The following PCF11 variants were observed in gnomAD, a reference collection of about 807,000 sequenced individuals.
PCF11 encodes PCF11 cleavage and polyadenylation factor subunit.
PCF11 carries 19 observed loss-of-function variants against 166.1 expected under a neutral mutation model. The ratio of observed to expected loss-of-function variants is 0.11; its 90% confidence interval spans 0.08 to 0.17. The LOEUF is 0.17. Among genes scored for constraint, PCF11 ranks in the 10% least tolerant of loss-of-function variants. PCF11 has a pLI of 1.00. For missense variants in PCF11, 1,565 were observed against 1,855.5 expected (o/e 0.84, Z 2.88); for synonymous variants, 663 against 644.1 (o/e 1.03, Z -0.44).
exon 8 of PCF11, chr11:83,169,882 A>C (rs900544196): frequency 2.5e-6 from 4 of 1,613,278 alleles, no homozygotes; most frequent in Non-Finnish European, 3.4e-6. Flanking sequence ...TAATCCACTT[A>C]ACAGAGCTTC....
chr11:83,184,969 GTATA>G, exon 16 of PCF11: 1 of 951,698 alleles, frequency 1.1e-6, no homozygotes, highest in Non-Finnish European at 1.6e-6. Flanking sequence ...ATTTTTTTAT[GTATA>G]TATAGACATA....
chr11:83,177,721 T>G (rs1860934438), exon 11 of PCF11: 1 of 1,514,084 alleles, frequency 6.6e-7, no homozygotes, highest in South Asian at 1.2e-5. Flanking sequence ...AAGAAGTAAG[T>G]GAAGTAACTG....
At chr11:83,161,550 A>G (rs1274978474) in intron 2 of PCF11, 98 bp downstream of exon 2, 2 of 894,948 alleles carry the variant, frequency 2.2e-6, no homozygotes, top group Non-Finnish European at 3.3e-6. Flanking sequence ...GGGTGGTGAA[A>G]TGTTTTATAC....
rs989584590 is a variant in PCF11 at position 83,167,802 on chromosome 11, A to G, written c.2092+297A>G. ...AAAAGAACAATTTAGTGAAAGAGCAAGACGTCTTTCTCCTATATCTGGGAG... is the reference window on the plus strand; with the variant it reads ...AAAAGAACAATTTAGTGAAAGAGCAGGACGTCTTTCTCCTATATCTGGGAG... On this transcript the variant is annotated intron_variant, in intron 7 of 15. Coordinates refer to ENST00000298281, the Ensembl canonical transcript of PCF11. This position sits in a 1 kb window ranked among gnomAD's most constrained non-coding sequence, Gnocchi z 4.2. The G allele has an allele frequency of 3.7e-6, 5 of 1,363,746 alleles. No homozygotes were observed. Among genetic ancestry groups the G allele is most frequent in the Non-Finnish European group, 4.8e-6 (5 of 1,038,030 alleles). The allele number at this position is 1,363,746 out of a possible 1,614,324, so 84.5% of individuals were successfully genotyped here. A position where few individuals can be genotyped will look rare whatever the true frequency, so the allele number is the denominator to read the frequency against.
intron 9 of PCF11, among the ~76,000 whole-genome samples, chr11:83,174,386 G>GT (rs71463154): frequency 4.9e-3 from 705 of 142,718 alleles, no homozygotes; most frequent in Admixed American, 9.4e-3. Flanking sequence ...TATTTTTAAA[G>GT]TTTTTTTTTT....
At position 83,184,728 on chromosome 11, in the gene PCF11, AC is replaced by A; in HGVS notation, c.4506del (p.Leu1503Ter). 3.7e-6 allele frequency: 6 copies of A among 1,611,938 alleles called. No homozygotes were observed. ...TCTCCCAGCAAGACACCAGTTGAAA[AC>A]CCCTTGAATATTATGTTGAACATTG... On this transcript the variant is annotated frameshift_variant, in exon 16 of 16. Coordinates refer to ENST00000298281, the Ensembl canonical transcript of PCF11. LOFTEE classifies it high-confidence loss of function.
chr11:83,170,027 G>A, intron 8 of PCF11, 32 bp downstream of exon 8: 1 of 1,509,468 alleles, frequency 6.6e-7, no homozygotes, highest in South Asian at 1.3e-5. Flanking sequence ...TGCGTTGTAT[G>A]CAGATAAGTT....
intron 1 of PCF11, among the ~76,000 whole-genome samples, chr11:83,160,464 T>C (rs1490941782): frequency 6.6e-6 from 1 of 151,904 alleles, no homozygotes; most frequent in African/African-American, 2.4e-5. Context: ...GGAAGCTTGC[T>C]GTGCCTTCTA....
At chr11:83,169,651 G>T in exon 8 of PCF11, 1 of 1,613,950 alleles carries the variant, frequency 6.2e-7, no homozygotes. Flanking sequence ...ATCAAGGTTT[G>T]ATATTCCTCT....
At chr11:83,160,827 A>G (rs1565150154) in intron 1 of PCF11, among the ~76,000 whole-genome samples, 1 of 152,038 alleles carries the variant, frequency 6.6e-6, no homozygotes, top group Non-Finnish European at 1.5e-5. Context: ...GTTCATTTGG[A>G]TTATAGAGAA....
At chr11:83,169,984 G>A (rs751936881) in exon 8 of PCF11, 4 of 1,585,244 alleles carry the variant, frequency 2.5e-6, no homozygotes, top group Non-Finnish European at 3.4e-6. Flanking sequence ...AAATATTCAG[G>A]CATCTCAACA....
exon 8 of PCF11, chr11:83,169,599 CGGT>C (rs1565156385): frequency 6.2e-7 from 1 of 1,613,916 alleles, no homozygotes; most frequent in Admixed American, 1.7e-5. Flanking sequence ...CCAGATTTGA[CGGT>C]GTACCTCAAA....
intron 2 of PCF11, among the ~76,000 whole-genome samples, chr11:83,161,719 A>C (rs1332264645): frequency 6.6e-6 from 1 of 152,200 alleles, no homozygotes; most frequent in East Asian, 1.9e-4. Context: ...GAGTGTGTTC[A>C]TTTGAACATC....
At chr11:83,187,140 C>A (rs1861320292) in exon 16 of PCF11, 1 of 152,626 alleles carries the variant, frequency 6.6e-6, no homozygotes, top group South Asian at 2.1e-4. Context: ...TCACTGCAAC[C>A]TCTGCCTCCT....
At chr11:83,165,721 A>C (rs768681679) in exon 5 of PCF11, 1 of 1,613,814 alleles carries the variant, frequency 6.2e-7, no homozygotes, top group South Asian at 1.1e-5. Flanking sequence ...GTTCCTGTGC[A>C]ATCTGAGAAA....
At chr11:83,175,192 G>C (rs1335362446) in intron 9 of PCF11, among the ~76,000 whole-genome samples, 1 of 152,162 alleles carries the variant, frequency 6.6e-6, no homozygotes, top group Admixed American at 6.5e-5. Context: ...CTGGAGTACA[G>C]TGGGGTGATC....
chr11:83,167,409 A>C lies in PCF11; in HGVS notation c.2002-6A>C. Reference sequence around the variant, plus strand: ...TATTTTATTTCCTTTTATCACCCCTATACAGACGAGTGAACGTTTAGCATC... The same window carrying C: ...TATTTTATTTCCTTTTATCACCCCTCTACAGACGAGTGAACGTTTAGCATC... On this transcript the variant is annotated splice_region_variant and splice_polypyrimidine_tract_variant and intron_variant, in intron 6 of 15. Coordinates refer to ENST00000298281, the Ensembl canonical transcript of PCF11. The surrounding 1 kb of genome is among the most constrained non-coding windows in gnomAD (Gnocchi z 4.2). 1 of 1,590,914 alleles carries C rather than the reference A, an allele frequency of 6.3e-7. No individual in the cohort carries two copies. Among genetic ancestry groups the C allele is most frequent in the Non-Finnish European group, 8.5e-7 (1 of 1,171,640 alleles).
At chr11:83,183,143 TGCATCAGAGCAATATTG>T in intron 15 of PCF11, 70 bp downstream of exon 15, 3 of 865,072 alleles carry the variant, frequency 3.5e-6, no homozygotes, top group Non-Finnish European at 3.6e-6. Context: ...GTTTTTTTTT[TGCATCAGAGCAATATTG>T]TTATTTTAAA....
Position 83,172,285 on chromosome 11 carries a change from G to A in PCF11, c.3757+371G>A, listed in dbSNP as rs543750517. Among the ~76,000 whole-genome samples the A allele has an allele frequency of 2.6e-5, 4 of 152,226 alleles. No homozygotes were observed. In the South Asian group the frequency reaches 8.3e-4, roughly 32 times the overall value. On this transcript the variant is annotated intron_variant, in intron 9 of 15. Transcript: ENST00000298281. ...CTGAGGATACTGCATTAATAAAGTT[G>A]ATTAATTTTTATGTTTTTGTGGGCA...
Sources: allele counts gnomAD v4.1 joint callset (sites outside exome capture counted in the v4.1 genomes callset), GRCh38; gene constraint gnomAD v4.1.1; non-coding constraint Gnocchi (gnomAD v3.1); transcripts MANE v1.5; gene names NCBI Gene and HGNC (gene_info 2026-07-23, HGNC 2026-07-21).